ANKFN1: variants seen among roughly 807,000 people sequenced by gnomAD.
The protein encoded by ANKFN1 is ankyrin repeat and fibronectin type-III domain-containing protein 1.
ANKFN1 carries 74 observed loss-of-function variants against 108.7 expected under a neutral mutation model. The observed-to-expected ratio is 0.68, with a 90% CI of 0.56 to 0.83. The LOEUF is 0.83. Ranked by LOEUF, ANKFN1 falls within the 40% of genes least tolerant of loss-of-function variation. The pLI is 0.00. For missense variants in ANKFN1, 1,505 were observed against 1,382.3 expected, an observed-to-expected ratio of 1.09 and a Z score of -1.41; for synonymous variants, 547 against 516.2, an observed-to-expected ratio of 1.06 and a Z score of -0.81.
Position 56,480,008 on chromosome 17 carries a change from C to G in ANKFN1, c.1941-660C>G, listed in dbSNP as rs185510288. Among the ~76,000 whole-genome samples the G allele has an allele frequency of 5.2e-4, 79 of 152,308 alleles. 1 individual carries two copies. In the South Asian group the frequency reaches 7.3e-3, roughly 14 times the overall value. On this transcript the variant is annotated intron_variant, in intron 16 of 20. Transcript: ENST00000682825. ...GCTTTCCTCCCACTGCCATTCTTTT[C>G]CCTTCCCTTCTGTGTGACATTTGGA...
intron 8 of ANKFN1, among the ~76,000 whole-genome samples, chr17:56,421,009 A>C (rs2048390292): frequency 6.6e-6 from 1 of 151,540 alleles, no homozygotes; most frequent in Non-Finnish European, 1.5e-5. Context: ...GGTCCGGCCG[A>C]CTCCTTCTTT....
At chr17:56,264,023 C>T (rs1217735661) in intron 3 of ANKFN1, among the ~76,000 whole-genome samples, 2 of 152,058 alleles carry the variant, frequency 1.3e-5, no homozygotes, top group African/African-American at 4.8e-5. Flanking sequence ...ACTCCCGTAC[C>T]CCTCACTTTC....
chr17:56,243,999 C>T (rs1486913641), intron 3 of ANKFN1, among the ~76,000 whole-genome samples: 1 of 151,926 alleles, frequency 6.6e-6, no homozygotes, highest in Non-Finnish European at 1.5e-5. Flanking sequence ...CCCTCAGGAA[C>T]TATCAGGGGT....
intron 4 of ANKFN1, among the ~76,000 whole-genome samples, chr17:56,050,306 G>C (rs1904753034): frequency 6.7e-6 from 1 of 149,688 alleles, no homozygotes; most frequent in Admixed American, 6.6e-5. Flanking sequence ...TTTGTCAGAT[G>C]AGTAGGTTGC....
chr17:56,384,472 G>T (rs2047202251), intron 8 of ANKFN1, among the ~76,000 whole-genome samples: 1 of 152,018 alleles, frequency 6.6e-6, no homozygotes, highest in South Asian at 2.1e-4. Context: ...GGAAGTTCTG[G>T]CCAGGGCAAT....
At chr17:56,106,269 T>G (rs1339844856) in intron 4 of ANKFN1, among the ~76,000 whole-genome samples, 2 of 152,168 alleles carry the variant, frequency 1.3e-5, no homozygotes, top group African/African-American at 4.8e-5. Context: ...ACCCATCCCT[T>G]TTGTACCTTT....
At chr17:56,121,801 G>A (rs1906636738) in intron 4 of ANKFN1, among the ~76,000 whole-genome samples, 1 of 152,188 alleles carries the variant, frequency 6.6e-6, no homozygotes, top group Non-Finnish European at 1.5e-5. Context: ...GCAGAAACAA[G>A]AATCAATTAG....
chr17:56,407,709 A>G (rs1261429078), intron 8 of ANKFN1, among the ~76,000 whole-genome samples: 1 of 152,188 alleles, frequency 6.6e-6, no homozygotes, highest in Non-Finnish European at 1.5e-5. Context: ...AGATTAGAAC[A>G]CTATCACAAA....
chr17:56,485,029 A>T (rs574142387), intron 18 of ANKFN1, among the ~76,000 whole-genome samples: 1 of 152,128 alleles, frequency 6.6e-6, no homozygotes, highest in Non-Finnish European at 1.5e-5. Flanking sequence ...ATTTTTCTTC[A>T]TTCTATAATT....
intron 3 of ANKFN1, among the ~76,000 whole-genome samples, chr17:56,313,014 G>C (rs1038120131): frequency 6.6e-6 from 1 of 152,024 alleles, no homozygotes; most frequent in Non-Finnish European, 1.5e-5. Flanking sequence ...AATTAGCCAG[G>C]CATGGTGGTG....
At chr17:56,096,794 C>T (rs548825064) in intron 4 of ANKFN1, among the ~76,000 whole-genome samples, 1 of 152,012 alleles carries the variant, frequency 6.6e-6, no homozygotes, top group South Asian at 2.1e-4. Context: ...ATCATTCTAC[C>T]GTAAAGACAC....
At chr17:56,345,973 T>C (rs1176000944) in intron 4 of ANKFN1, among the ~76,000 whole-genome samples, 5 of 152,152 alleles carry the variant, frequency 3.3e-5, no homozygotes, top group East Asian at 1.9e-4. Context: ...CATGCCTATG[T>C]CCTGAATGGT....
At chr17:56,097,139 T>G (rs1905550742) in intron 4 of ANKFN1, among the ~76,000 whole-genome samples, 1 of 152,196 alleles carries the variant, frequency 6.6e-6, no homozygotes, top group African/African-American at 2.4e-5. Context: ...TCAGGTACTA[T>G]GCTTATTACC....
chr17:56,170,799 T>TACACACAC (rs1325475648), intron 1 of ANKFN1, among the ~76,000 whole-genome samples: 2 of 62,846 alleles, frequency 3.2e-5, no homozygotes, highest in Admixed American at 1.4e-4. Context: ...TATATATATA[T>TACACACAC]ATATATATAC....
At chr17:56,392,961 G>A (rs1478915173) in intron 8 of ANKFN1, among the ~76,000 whole-genome samples, 1 of 152,042 alleles carries the variant, frequency 6.6e-6, no homozygotes, top group Non-Finnish European at 1.5e-5. Flanking sequence ...AGAGCACCCA[G>A]GAAGTCTGAA....
chr17:56,117,192 C>A, intron 4 of ANKFN1, among the ~76,000 whole-genome samples: 1 of 152,126 alleles, frequency 6.6e-6, no homozygotes, highest in East Asian at 1.9e-4. Flanking sequence ...TTTTTCATCA[C>A]CATGTCCCCA....
chr17:56,403,924 G>A (rs10459932), intron 8 of ANKFN1, among the ~76,000 whole-genome samples: 3,756 of 152,122 alleles, frequency 0.025, 128 homozygotes, highest in East Asian at 0.087. Flanking sequence ...CATATATGAT[G>A]CTTAGTTTTG....
intron 4 of ANKFN1, among the ~76,000 whole-genome samples, chr17:56,105,494 C>CT (rs566075497): frequency 6.6e-6 from 1 of 151,956 alleles, no homozygotes; most frequent in Non-Finnish European, 1.5e-5. Flanking sequence ...TCCTTTGTAT[C>CT]TTTTTTTCTT....
intron 4 of ANKFN1, among the ~76,000 whole-genome samples, chr17:56,066,502 C>T (rs1905059487): frequency 6.6e-6 from 1 of 151,952 alleles, no homozygotes; most frequent in African/African-American, 2.4e-5. Context: ...CGTATTGAGG[C>T]AAAACTATTT....
Sources: allele counts gnomAD v4.1 joint callset (sites outside exome capture counted in the v4.1 genomes callset), GRCh38; gene constraint gnomAD v4.1.1; transcripts MANE v1.5; gene names NCBI Gene and HGNC (gene_info 2026-07-23, HGNC 2026-07-21).